Variants in CSMD1 observed in about 807,000 individuals in gnomAD.
CSMD1 encodes the protein CUB and sushi domain-containing protein 1.
CSMD1 carries 213 observed loss-of-function variants against 417.5 expected under a neutral mutation model. That is an observed-to-expected ratio of 0.51 (90% CI 0.46 to 0.57). The LOEUF is 0.57. Ranked by LOEUF, CSMD1 falls within the 20% of genes least tolerant of loss-of-function variation. The pLI is 0.00. For synonymous variants in CSMD1, 2,862 were observed against 1,736.8 expected (o/e 1.65, Z -16.11); for missense variants, 6,923 against 4,529.7 (o/e 1.53, Z -15.17).
At chr8:4,236,199 G>A (rs1342395626) in intron 3 of CSMD1, among the ~76,000 whole-genome samples, 2 of 152,012 alleles carry the variant, frequency 1.3e-5, no homozygotes, top group East Asian at 3.9e-4. Context: ...CATGATGTAC[G>A]TCTGCGGGAA....
intron 5 of CSMD1, among the ~76,000 whole-genome samples, chr8:3,837,053 A>G (rs12542348): frequency 0.37 from 56,114 of 151,490 alleles, 11,125 homozygotes; most frequent in African/African-American, 0.52. Context: ...ATTGATGCCC[A>G]TGGGTGATTT....
chr8:4,022,323 A>AC (rs1456846138), intron 4 of CSMD1, among the ~76,000 whole-genome samples: 3 of 151,888 alleles, frequency 2.0e-5, no homozygotes, highest in African/African-American at 7.3e-5. Flanking sequence ...TTTAGTGAAC[A>AC]CCCCTCCAAT....
At chr8:4,090,414 A>G (rs1231268588) in intron 3 of CSMD1, among the ~76,000 whole-genome samples, 1 of 152,164 alleles carries the variant, frequency 6.6e-6, no homozygotes, top group Non-Finnish European at 1.5e-5. Flanking sequence ...TTAACACCCT[A>G]GTCTTGATTG....
At chr8:4,910,032 A>G (rs1166161199) in intron 1 of CSMD1, among the ~76,000 whole-genome samples, 2 of 152,248 alleles carry the variant, frequency 1.3e-5, no homozygotes, top group Admixed American at 6.5e-5. Context: ...TGAATAACCA[A>G]TAGCATGTCA....
intron 1 of CSMD1, among the ~76,000 whole-genome samples, chr8:4,861,007 A>G (rs1180758827): frequency 6.6e-6 from 1 of 152,128 alleles, no homozygotes; most frequent in East Asian, 1.9e-4. Context: ...TACTATTGTA[A>G]TACATATTCT....
intron 14 of CSMD1, among the ~76,000 whole-genome samples, chr8:3,406,445 T>G (rs1812347771): frequency 6.6e-6 from 1 of 152,206 alleles, no homozygotes; most frequent in Non-Finnish European, 1.5e-5. Flanking sequence ...AACTATCATT[T>G]ATGCAGCAAT....
rs544078581 is a variant in CSMD1, at chr8:4,350,551, C to G, written c.415+69402G>C. 5.9e-5 allele frequency among the ~76,000 whole-genome samples: 9 copies of G among 152,274 alleles called. No homozygotes were observed. In the South Asian group the frequency reaches 1.7e-3, roughly 28 times the overall value. ...GGAGGTAGGAATGGAGGCTAATGTC[C>G]TGATTCCACATTTATTCAATTAACA... On this transcript the variant is annotated intron_variant, in intron 3 of 69. Coordinates refer to ENST00000635120, the MANE Select transcript of CSMD1 (RefSeq NM_033225.6).
chr8:4,462,643 G>C lies in CSMD1; in HGVS notation c.303-42578C>G, dbSNP rs112059323. ...CCATTATGCTTGCATTAGACACATG[G>C]ATTAATGAAATAAAATTCACGTTCC... On this transcript the variant is annotated intron_variant, in intron 2 of 69. Transcript: ENST00000635120. Among the ~76,000 whole-genome samples, 1,178 of 152,268 alleles carry C rather than the reference G, an allele frequency of 7.7e-3. 18 individuals carry two copies. Among genetic ancestry groups the C allele is most frequent in the African/African-American group, 0.026 (1,092 of 41,568 alleles).
At chr8:3,486,169 C>G (rs1021657333) in intron 11 of CSMD1, among the ~76,000 whole-genome samples, 1 of 152,172 alleles carries the variant, frequency 6.6e-6, no homozygotes, top group African/African-American at 2.4e-5. Context: ...TGATTCTGAA[C>G]ATGGCAGAAC....
chr8:4,711,855 T>C (rs1171062681), intron 1 of CSMD1, among the ~76,000 whole-genome samples: 5 of 152,194 alleles, frequency 3.3e-5, no homozygotes, highest in Non-Finnish European at 5.9e-5. Context: ...ATAATGATCT[T>C]TGTTAATAAG....
intron 10 of CSMD1, among the ~76,000 whole-genome samples, chr8:3,557,635 A>G (rs939704501): frequency 1.3e-5 from 2 of 152,136 alleles, no homozygotes; most frequent in African/African-American, 4.8e-5. Context: ...TTGAGGCCCT[A>G]TCTCCTGCCT....
At chr8:3,954,434 T>C (rs530210440) in intron 5 of CSMD1, among the ~76,000 whole-genome samples, 1 of 152,250 alleles carries the variant, frequency 6.6e-6, no homozygotes, top group East Asian at 1.9e-4. Context: ...GGTGGTGATC[T>C]CAGCTCACTG....
chr8:3,721,223 T>C (rs1352935847), intron 6 of CSMD1, among the ~76,000 whole-genome samples: 1 of 152,170 alleles, frequency 6.6e-6, no homozygotes, highest in Non-Finnish European at 1.5e-5. Context: ...ATTTTATTTG[T>C]GAAACTCCTA....
intron 49 of CSMD1, among the ~76,000 whole-genome samples, chr8:3,085,734 C>T (rs1054877902): frequency 6.6e-6 from 1 of 152,206 alleles, no homozygotes; most frequent in African/African-American, 2.4e-5. Flanking sequence ...ATCCTTTAAT[C>T]CTTCTCAACC....
At chr8:4,563,017 C>A (rs1430011783) in intron 2 of CSMD1, among the ~76,000 whole-genome samples, 1 of 152,038 alleles carries the variant, frequency 6.6e-6, no homozygotes, top group Admixed American at 6.6e-5. Flanking sequence ...ATGAAAATTC[C>A]GGTGTTTTAA....
intron 2 of CSMD1, among the ~76,000 whole-genome samples, chr8:4,436,654 C>T (rs567971907): frequency 5.9e-5 from 9 of 152,208 alleles, no homozygotes; most frequent in South Asian, 2.1e-4. Context: ...TTAACAATCA[C>T]CACCTCCTTC....
intron 3 of CSMD1, among the ~76,000 whole-genome samples, chr8:4,358,590 T>G (rs1329966018): frequency 6.6e-6 from 1 of 152,312 alleles, no homozygotes; most frequent in African/African-American, 2.4e-5. Context: ...AAAGAAAAAG[T>G]GTGCTGAAAG....
At chr8:3,700,127 G>C (rs1355865387) in intron 7 of CSMD1, among the ~76,000 whole-genome samples, 1 of 152,070 alleles carries the variant, frequency 6.6e-6, no homozygotes, top group Non-Finnish European at 1.5e-5. Flanking sequence ...AGTGGGGCGA[G>C]GGATAAAAGA....
chr8:4,867,217 C>G (rs1200204468), intron 1 of CSMD1, among the ~76,000 whole-genome samples: 1 of 152,026 alleles, frequency 6.6e-6, no homozygotes, highest in East Asian at 1.9e-4. Context: ...ATTTGCCAAG[C>G]TAAGAAAGCT....
Sources: gnomAD v4.1 joint callset for allele counts (sites outside exome capture counted in the v4.1 genomes callset) on GRCh38, gnomAD v4.1.1 for gene constraint, MANE v1.5 for transcripts, NCBI Gene and HGNC (gene_info 2026-07-23, HGNC 2026-07-21) for gene names.